The following OXR1 variants were observed in gnomAD, a reference collection of about 807,000 sequenced individuals.
OXR1 encodes the protein oxidation resistance 1, also known as oxidation resistance protein 1.
A neutral mutation model predicts 104.6 loss-of-function variants in OXR1; 41 were observed. The ratio of observed to expected loss-of-function variants is 0.39; its 90% confidence interval spans 0.31 to 0.51. The LOEUF (loss-of-function observed/expected upper bound fraction) is 0.51. Ranked by LOEUF, OXR1 falls within the 20% of genes least tolerant of loss-of-function variation. The pLI, the probability that OXR1 is intolerant of heterozygous loss-of-function variation, is 0.77. For missense variants in OXR1, 955 were observed against 1,031.9 expected (o/e 0.93, Z 1.02); for synonymous variants, 348 against 348.4 (o/e 1.00, Z 0.01).
intron 11 of OXR1, 152 bp downstream of exon 11, chr8:106,714,137 T>A (rs1832001571): frequency 3.4e-6 from 2 of 580,004 alleles, no homozygotes; most frequent in Non-Finnish European, 5.9e-6. Flanking sequence ...GGTTATTGAA[T>A]GAATCTGAAT....
chr8:106,359,748 G>T (rs1326400854), intron 2 of OXR1, 112 bp downstream of exon 2: 3 of 786,734 alleles, frequency 3.8e-6, no homozygotes, highest in African/African-American at 3.5e-5. Context: ...TAAAAATCTG[G>T]TTTCCAAAGA....
chr8:106,460,268 A>T (rs1198216335), intron 2 of OXR1, among the ~76,000 whole-genome samples: 1 of 152,184 alleles, frequency 6.6e-6, no homozygotes, highest in South Asian at 2.1e-4. Context: ...CTTACATTAC[A>T]CCATCGGAGT....
chr8:106,344,688 C>A (rs192289581), intron 1 of OXR1, among the ~76,000 whole-genome samples: 117 of 152,272 alleles, frequency 7.7e-4, no homozygotes, highest in African/African-American at 2.6e-3. Context: ...AGGATTCCGG[C>A]CTTTCTCCCA....
intron 3 of OXR1, among the ~76,000 whole-genome samples, chr8:106,665,923 A>G (rs1826263114): frequency 6.6e-6 from 1 of 152,184 alleles, no homozygotes; most frequent in African/African-American, 2.4e-5. Flanking sequence ...GCCAGGAGAA[A>G]CACAGTTATT....
chr8:106,475,217 T>C (rs754802429), intron 2 of OXR1, among the ~76,000 whole-genome samples: 50 of 152,088 alleles, frequency 3.3e-4, no homozygotes, highest in Non-Finnish European at 6.6e-4. Flanking sequence ...GAAGCCTTAC[T>C]TATAACATAA....
intron 1 of OXR1, among the ~76,000 whole-genome samples, chr8:106,321,942 CAATT>C (rs1298518312): frequency 2.6e-5 from 4 of 152,068 alleles, no homozygotes; most frequent in Non-Finnish European, 4.4e-5. Flanking sequence ...CTTCATTACT[CAATT>C]AAATAAAAAC....
chr8:106,617,698 C>T (rs1187900200), intron 3 of OXR1, among the ~76,000 whole-genome samples: 5 of 152,110 alleles, frequency 3.3e-5, no homozygotes, highest in East Asian at 1.9e-4. Flanking sequence ...GAACACCAGC[C>T]TGGTTCATAC....
At chr8:106,653,133 G>C (rs1338798466) in intron 3 of OXR1, among the ~76,000 whole-genome samples, 1 of 148,148 alleles carries the variant, frequency 6.8e-6, no homozygotes, top group Non-Finnish European at 1.5e-5. Flanking sequence ...AATATTACCA[G>C]AAAGAAAAGC....
chr8:106,677,067 A>G lies in OXR1; in HGVS notation c.221-2143A>G, dbSNP rs16875004. Among the ~76,000 whole-genome samples the G allele has an allele frequency of 7.8e-3, 1,180 of 152,214 alleles. 19 individuals are homozygous for G. Among genetic ancestry groups the G allele is most frequent in the African/African-American group, 0.027 (1,124 of 41,560 alleles). Reference sequence around the variant, plus strand: ...ATTATGAAACACAGATCGAAAAGCTATTAGGCAAAGTAAATACAAACTAAC... The same window carrying G: ...ATTATGAAACACAGATCGAAAAGCTGTTAGGCAAAGTAAATACAAACTAAC... On this transcript the variant is annotated intron_variant, in intron 3 of 16. Coordinates refer to ENST00000517566, the MANE Select transcript of OXR1 (RefSeq NM_001198533.2).
chr8:106,376,194 A>G (rs761252283), intron 2 of OXR1, among the ~76,000 whole-genome samples: 5 of 152,176 alleles, frequency 3.3e-5, no homozygotes, highest in Non-Finnish European at 5.9e-5. Flanking sequence ...ATTTGAGCTA[A>G]GGTGAAAACA....
At chr8:106,503,958 C>G (rs554128824) in intron 2 of OXR1, among the ~76,000 whole-genome samples, 1 of 152,308 alleles carries the variant, frequency 6.6e-6, no homozygotes, top group East Asian at 1.9e-4. Context: ...ACAGATATCT[C>G]TCTAGTGAGG....
chr8:106,672,534 A>G (rs1369585746), intron 3 of OXR1, among the ~76,000 whole-genome samples: 2 of 149,022 alleles, frequency 1.3e-5, no homozygotes, highest in Non-Finnish European at 3.0e-5. Flanking sequence ...GAGAGAGAGA[A>G]AAGAAAAAGA....
At chr8:106,543,019 T>G (rs557686747) in intron 3 of OXR1, among the ~76,000 whole-genome samples, 1 of 152,276 alleles carries the variant, frequency 6.6e-6, no homozygotes, top group South Asian at 2.1e-4. Flanking sequence ...GACACAATTC[T>G]GAGCTCCTAT....
intron 2 of OXR1, among the ~76,000 whole-genome samples, chr8:106,431,416 AG>A (rs1476488693): frequency 1.3e-5 from 2 of 152,204 alleles, no homozygotes; most frequent in Non-Finnish European, 2.9e-5. Flanking sequence ...TGTAACTGTC[AG>A]CTGCCCATGT....
chr8:106,592,904 C>T (rs1819207501), intron 3 of OXR1, among the ~76,000 whole-genome samples: 1 of 152,128 alleles, frequency 6.6e-6, no homozygotes, highest in South Asian at 2.1e-4. Context: ...TTTATATAGA[C>T]ATTGCATAAA....
At chr8:106,392,009 A>G (rs139809696) in intron 2 of OXR1, among the ~76,000 whole-genome samples, 3 of 152,278 alleles carry the variant, frequency 2.0e-5, no homozygotes, top group African/African-American at 4.8e-5. Flanking sequence ...TGCTCAAAGC[A>G]TGACACAAAA....
chr8:106,441,863 C>G (rs1360021397), intron 2 of OXR1, among the ~76,000 whole-genome samples: 2 of 152,148 alleles, frequency 1.3e-5, no homozygotes, highest in East Asian at 1.9e-4. Context: ...CGTCTGCAAA[C>G]AGTAACAACT....
At chr8:106,455,666 CCAAT>C (rs1213846703) in intron 2 of OXR1, among the ~76,000 whole-genome samples, 31 of 152,140 alleles carry the variant, frequency 2.0e-4, no homozygotes, top group African/African-American at 7.5e-4. Context: ...TATTGTCAGT[CCAAT>C]CAGTCACCTG....
intron 1 of OXR1, among the ~76,000 whole-genome samples, chr8:106,293,994 A>G (rs1321150635): frequency 9.3e-6 from 1 of 107,318 alleles, no homozygotes; most frequent in African/African-American, 4.4e-5. Context: ...TTTGGTAAGT[A>G]GGCAAATAGA....
Sources: allele counts gnomAD v4.1 joint callset (sites outside exome capture counted in the v4.1 genomes callset), GRCh38; gene constraint gnomAD v4.1.1; transcripts MANE v1.5; gene names NCBI Gene and HGNC (gene_info 2026-07-23, HGNC 2026-07-21).